MARS1: variants seen among roughly 807,000 people sequenced by gnomAD.
MARS1 encodes the protein methionine--tRNA ligase, cytoplasmic.
Under a neutral mutation model 119.5 loss-of-function variants are expected in MARS1, and 80 were observed. That is an observed-to-expected ratio of 0.67 (90% CI 0.56 to 0.81). The LOEUF (loss-of-function observed/expected upper bound fraction) is 0.81, where lower values mean the gene tolerates loss of function less well. Among genes scored for constraint, MARS1 ranks in the 30% least tolerant of loss-of-function variants. The pLI is 0.00. For synonymous variants in MARS1, 418 were observed against 433.4 expected, an observed-to-expected ratio of 0.96 and a Z score of 0.44; for missense variants, 945 against 1,116.5, an observed-to-expected ratio of 0.85 and a Z score of 2.19.
At chr12:57,511,431 G>A (rs1333348378) in intron 11 of MARS1, among the ~76,000 whole-genome samples, 2 of 152,072 alleles carry the variant, frequency 1.3e-5, no homozygotes, top group African/African-American at 4.8e-5. Flanking sequence ...AAAAATTACA[G>A]TCTGGCATGG....
intron 9 of MARS1, among the ~76,000 whole-genome samples, chr12:57,499,439 CAAAA>C (rs71280718): frequency 8.1e-6 from 1 of 123,178 alleles, no homozygotes; most frequent in Non-Finnish European, 1.7e-5. Context: ...ACTAAAAATA[CAAAA>C]AAAAAAAAAA....
rs377067956 is a variant in MARS1, at chr12:57,489,646, C to G, written c.414+88C>G. 139 of 1,540,582 alleles carry G rather than the reference C, an allele frequency of 9.0e-5. No homozygotes were observed. In the East Asian group the frequency reaches 2.5e-3, roughly 28 times the overall value. On this transcript the variant is annotated intron_variant, in intron 4 of 20. Coordinates refer to ENST00000262027, the MANE Select transcript of MARS1 (RefSeq NM_004990.4). ...CTGTATTCAGAGTGTTCGAACCCAACACTGCCACTTACTAGTAGTGTAATC... is the reference window on the plus strand; with the variant it reads ...CTGTATTCAGAGTGTTCGAACCCAAGACTGCCACTTACTAGTAGTGTAATC...
At chr12:57,499,304 A>T (rs2140018091) in intron 9 of MARS1, among the ~76,000 whole-genome samples, 1 of 147,964 alleles carries the variant, frequency 6.8e-6, no homozygotes, top group East Asian at 2.0e-4. Context: ...AAAAAAAAAA[A>T]AAAGGCTGGG....
rs1242779612 is a variant in MARS1 at position 57,498,095 on chromosome 12, T to A, written c.771-62T>A. ...ATCTGTGTCCGGGTGTTCTGTGCACTTTTCGTCCCTGTTGACCCTCACATC... is the reference window on the plus strand; with the variant it reads ...ATCTGTGTCCGGGTGTTCTGTGCACATTTCGTCCCTGTTGACCCTCACATC... On this transcript the variant is annotated intron_variant, in intron 7 of 20. Coordinates refer to ENST00000262027, the MANE Select transcript of MARS1 (RefSeq NM_004990.4). 1.5e-5 allele frequency: 16 copies of A among 1,050,162 alleles called. No individual in the cohort carries two copies. In the East Asian group the frequency reaches 2.9e-4, roughly 19 times the overall value. 65.1% of individuals were successfully genotyped at this position (1,050,162 alleles called of 1,614,324 possible). A position where few individuals can be genotyped will look rare whatever the true frequency, so the allele number is the denominator to read the frequency against.
At chr12:57,497,033 C>T (rs2140015332) in intron 7 of MARS1, among the ~76,000 whole-genome samples, 1 of 152,262 alleles carries the variant, frequency 6.6e-6, no homozygotes, top group African/African-American at 2.4e-5. Context: ...TGCCTCTATA[C>T]TTGCCACAGC....
chr12:57,508,069 C>G (rs974628228), intron 11 of MARS1, among the ~76,000 whole-genome samples: 3 of 151,938 alleles, frequency 2.0e-5, no homozygotes, highest in Admixed American at 1.3e-4. Context: ...GATGGGCAGC[C>G]GGGCAGAGAC....
At chr12:57,494,364 G>A (rs1373086839) in intron 7 of MARS1, among the ~76,000 whole-genome samples, 2 of 125,600 alleles carry the variant, frequency 1.6e-5, no homozygotes, top group East Asian at 4.5e-4. Flanking sequence ...GTCTCACACT[G>A]TCGTCCAGGC....
intron 7 of MARS1, among the ~76,000 whole-genome samples, chr12:57,491,780 C>T (rs113957069): frequency 2.0e-5 from 3 of 152,004 alleles, no homozygotes; most frequent in South Asian, 2.1e-4. Context: ...CAGTTTTTTC[C>T]GTCAAAATGA....
Position 57,493,872 on chromosome 12 carries a change from A to AT in MARS1, c.770+3229dup, listed in dbSNP as rs1876406462. On this transcript the variant is annotated intron_variant, in intron 7 of 20. Transcript: ENST00000262027. ...AATATATATATTTATATTATATAATATATATAATATATAATATATATTTAT... is the reference window on the plus strand; with the variant it reads ...AATATATATATTTATATTATATAATATTATATAATATATAATATATATTTAT... 7.7e-4 allele frequency among the ~76,000 whole-genome samples: 4 copies of AT among 5,178 alleles called. No homozygotes were observed. The Non-Finnish European group carries it at 0.036, about 47-fold the overall frequency. 3.4% of individuals were successfully genotyped at this position (5,178 alleles called of 152,430 possible). A position where few individuals can be genotyped will look rare whatever the true frequency, so the allele number is the denominator to read the frequency against.
chr12:57,495,592 A>G (rs1293261990), intron 7 of MARS1, among the ~76,000 whole-genome samples: 1 of 152,114 alleles, frequency 6.6e-6, no homozygotes, highest in Non-Finnish European at 1.5e-5. Flanking sequence ...CACTTCCCAG[A>G]CGGGGTGGCG....
rs148191586 is a variant in MARS1, at chr12:57,511,808, C to G, written c.1479C>G (p.Arg493=). Reference sequence around the variant, plus strand: ...GGCTTCGGGATGGCCTCAAGCCACGCTGCATAACCCGAGACCTCAAATGGG... The same window carrying G: ...GGCTTCGGGATGGCCTCAAGCCACGGTGCATAACCCGAGACCTCAAATGGG... ...RSWLRDGLKP[R]CITRDLKWGT... is the part of the protein sequence containing the mutation. Residue 493 remains arginine (R), a synonymous_variant, in exon 12 of 21, where the codon CGC becomes CGG. Coordinates refer to ENST00000262027, the MANE Select transcript of MARS1 (RefSeq NM_004990.4). 6 of 1,614,216 alleles carry G rather than the reference C, an allele frequency of 3.7e-6. No individual in the cohort carries two copies. The highest frequency in any genetic ancestry group is 3.4e-6 in the Non-Finnish European group (4 of 1,180,028).
chr12:57,500,277 CG>C (rs762306738), intron 9 of MARS1, 43 bp from the exon 10 acceptor site: 6 of 1,549,924 alleles, frequency 3.9e-6, no homozygotes, highest in African/African-American at 1.4e-5. Flanking sequence ...GGGTCCACCA[CG>C]TCTTCTGACT....
intron 11 of MARS1, among the ~76,000 whole-genome samples, chr12:57,504,808 A>T (rs1301624760): frequency 6.9e-6 from 1 of 144,134 alleles, no homozygotes; most frequent in African/African-American, 2.6e-5. Context: ...GGTTCAAGTG[A>T]TTCTCCTGCG....
intron 15 of MARS1, among the ~76,000 whole-genome samples, chr12:57,513,433 A>G (rs1877618534): frequency 6.6e-6 from 1 of 151,922 alleles, no homozygotes; most frequent in African/African-American, 2.4e-5. Flanking sequence ...TGCCTGACCA[A>G]CATAATGAAT....
At chr12:57,493,874 ATATAATATATAAT>A (rs1876409562) in intron 7 of MARS1, among the ~76,000 whole-genome samples, 1 of 49,626 alleles carries the variant, frequency 2.0e-5, no homozygotes, top group Non-Finnish European at 3.3e-5. Context: ...TATATAATAT[ATATAATATATAAT>A]ATATATTTAT....
chr12:57,495,268 C>G (rs1036567753), intron 7 of MARS1, among the ~76,000 whole-genome samples: 2 of 151,618 alleles, frequency 1.3e-5, no homozygotes, highest in Non-Finnish European at 1.5e-5. Flanking sequence ...GGGGCTGCCC[C>G]CCACCTCCTG....
In MARS1 at chr12:57,516,304, G is replaced by T; in HGVS notation, c.2523G>T (p.Gln841His). ...VETVTTAKPQ[Q>H]IQALMDEVTK... is the part of the protein sequence containing the mutation. ...CTGTTACAACAGCCAAGCCACAGCA[G>T]ATACAAGCGCTGATGGATGAAGTGA... The change falls in exon 20 of 21, where the codon CAG becomes CAT. Residue 841 changes from glutamine to histidine, a missense_variant. Physicochemically the swap from Gln to His is conservative, Grantham distance 24 (BLOSUM62 0). Transcript: ENST00000262027. The T allele has an allele frequency of 6.2e-7, 1 of 1,614,228 alleles. No homozygotes were observed. Among genetic ancestry groups the T allele is most frequent in the South Asian group, 1.1e-5 (1 of 91,082 alleles).
In MARS1 at chr12:57,511,534, G is replaced by C. The variant is rs747341; in HGVS notation, c.1369-164G>C. ...TTAGGCTGCAGTGAGCTGTGATTAT[G>C]ATTGCACCACTGCACTCTAGTCTGG... On this transcript the variant is annotated intron_variant, in intron 11 of 20. Coordinates refer to ENST00000262027, the MANE Select transcript of MARS1 (RefSeq NM_004990.4). 0.029 allele frequency: 19,193 copies of C among 661,672 alleles called. 2,561 individuals carry two copies. The African/African-American group carries it at 0.3, about 10-fold the overall frequency. 41.0% of individuals were successfully genotyped at this position (661,672 alleles called of 1,614,324 possible). A position where few individuals can be genotyped will look rare whatever the true frequency, so the allele number is the denominator to read the frequency against.
chr12:57,495,821 A>C (rs1417861096), intron 7 of MARS1, among the ~76,000 whole-genome samples: 1 of 152,202 alleles, frequency 6.6e-6, no homozygotes, highest in Non-Finnish European at 1.5e-5. Flanking sequence ...CAACACGGCG[A>C]AACCCCGTCT....
Sources: allele counts gnomAD v4.1 joint callset (sites outside exome capture counted in the v4.1 genomes callset), GRCh38; gene constraint gnomAD v4.1.1; transcripts MANE v1.5; gene names NCBI Gene and HGNC (gene_info 2026-07-23, HGNC 2026-07-21).